Variants in TPP2 observed in about 807,000 individuals in gnomAD.
TPP2 encodes the protein tripeptidyl-peptidase 2.
TPP2 carries 34 observed loss-of-function variants against 155.9 expected under a neutral mutation model. That is an observed-to-expected ratio of 0.22 (90% CI 0.17 to 0.29). The LOEUF (loss-of-function observed/expected upper bound fraction) is 0.29, where lower values mean the gene tolerates loss of function less well. TPP2 is among the 10% of genes least tolerant of loss of function. The probability of loss-of-function intolerance (pLI) is 1.00; values close to 1 mark genes in which losing one functional copy is unlikely to be tolerated. For synonymous variants in TPP2, 510 were observed against 529.4 expected, an observed-to-expected ratio of 0.96 and a Z score of 0.50; for missense variants, 1,028 against 1,522.3, an observed-to-expected ratio of 0.68 and a Z score of 5.40.
chr13:102,612,034 G>A (rs1047579720), intron 2 of TPP2, among the ~76,000 whole-genome samples: 9 of 152,112 alleles, frequency 5.9e-5, no homozygotes, highest in African/African-American at 2.2e-4. Context: ...TTGGAAGGAA[G>A]CACAGTACCT....
chr13:102,599,755 A>G (rs1481848031), intron 1 of TPP2, among the ~76,000 whole-genome samples: 1 of 152,160 alleles, frequency 6.6e-6, no homozygotes, highest in East Asian at 1.9e-4. Context: ...TTTGTGTTAA[A>G]TGATATAGTC....
intron 8 of TPP2, among the ~76,000 whole-genome samples, chr13:102,628,980 C>G (rs1881836981): frequency 6.6e-6 from 1 of 152,134 alleles, no homozygotes; most frequent in Non-Finnish European, 1.5e-5. Context: ...AACCTCATCT[C>G]CTCTACTTAA....
chr13:102,660,560 A>G (rs919262931), intron 25 of TPP2, among the ~76,000 whole-genome samples: 2 of 152,368 alleles, frequency 1.3e-5, no homozygotes, highest in African/African-American at 4.8e-5. Context: ...TCATTACACT[A>G]TTCTTCATAT....
rs766061120 is a variant in TPP2 at position 102,631,571 on chromosome 13, T to G, written c.1244+1376T>G. On this transcript the variant is annotated intron_variant, in intron 10 of 29. Coordinates refer to ENST00000376052, the MANE Select transcript of TPP2 (RefSeq NM_001330588.2). ...TTTAAGTTTTATCTTATTGTCAATG[T>G]AAAAACAAAGTATTAGAGAATGTTT... is the stretch of plus-strand genomic sequence containing the variant. 4 of 152,358 alleles carry G rather than the reference T, an allele frequency of 2.6e-5. No homozygotes were observed. The South Asian group carries it at 8.3e-4, about 32-fold the overall frequency. 9.4% of individuals were successfully genotyped at this position (152,358 alleles called of 1,614,324 possible).
At chr13:102,629,803 T>C (rs1482276250) in intron 9 of TPP2, among the ~76,000 whole-genome samples, 194 bp downstream of exon 9, 1 of 152,162 alleles carries the variant, frequency 6.6e-6, no homozygotes, top group Non-Finnish European at 1.5e-5. Flanking sequence ...CTGAAATAAG[T>C]GGTTTCATAG....
rs1371681416 is a variant in TPP2 at position 102,626,782 on chromosome 13, CT to C, written c.785-223del. The C allele has an allele frequency of 4.1e-5, 13 of 315,734 alleles. No individual in the cohort carries two copies. The East Asian group carries it at 4.6e-4, about 11-fold the overall frequency. 19.6% of individuals were successfully genotyped at this position (315,734 alleles called of 1,614,324 possible). A position where few individuals can be genotyped will look rare whatever the true frequency, so the allele number is the denominator to read the frequency against. The stretch of plus-strand genomic sequence containing the variant: ...CAAATGTTTGAAGGGGGGATTCTCC[CT>C]TTTTTTATTGTGAATTTGAAAGATT... On this transcript the variant is annotated intron_variant, in intron 6 of 29. Transcript: ENST00000376052.
At position 102,647,897 on chromosome 13, in the gene TPP2, T is replaced by C. The variant is rs1883232540; in HGVS notation, c.2628+553T>C. On this transcript the variant is annotated intron_variant, in intron 21 of 29. Coordinates refer to ENST00000376052, the MANE Select transcript of TPP2 (RefSeq NM_001330588.2). ...AGACATTTTATCCCTTAGATATTAC[T>C]GCAAAGAAATGAGATATTTCCTGTA... Among the ~76,000 whole-genome samples the C allele has an allele frequency of 2.6e-5, 4 of 152,248 alleles. 1 individual carries two copies. The South Asian group carries it at 8.3e-4, about 31-fold the overall frequency.
At chr13:102,630,549 G>C (rs1201816481) in intron 10 of TPP2, among the ~76,000 whole-genome samples, 2 of 152,100 alleles carry the variant, frequency 1.3e-5, no homozygotes, top group Admixed American at 6.5e-5. Context: ...TGAAATGAAA[G>C]CCCTAAGCTT....
chr13:102,601,107 GC>G (rs1158885767), intron 1 of TPP2, among the ~76,000 whole-genome samples: 1 of 151,988 alleles, frequency 6.6e-6, no homozygotes, highest in Non-Finnish European at 1.5e-5. Context: ...ACCCAGACTG[GC>G]CTGACCTCTA....
At chr13:102,626,117 T>C (rs1341826646) in intron 6 of TPP2, among the ~76,000 whole-genome samples, 1 of 152,198 alleles carries the variant, frequency 6.6e-6, no homozygotes, top group Non-Finnish European at 1.5e-5. Context: ...TAATCAGTAA[T>C]GTACCCTCCC....
intron 15 of TPP2, among the ~76,000 whole-genome samples, chr13:102,639,937 T>C (rs554423215): frequency 3.3e-4 from 51 of 152,358 alleles, no homozygotes; most frequent in Middle Eastern, 3.4e-3. Context: ...TAGGACTCAC[T>C]GTAGTTTGGA....
chr13:102,642,795 T>C (rs1389981977), intron 16 of TPP2, among the ~76,000 whole-genome samples: 1 of 152,198 alleles, frequency 6.6e-6, no homozygotes, highest in African/African-American at 2.4e-5. Flanking sequence ...GGAAAAGTTA[T>C]CAATGAGGAA....
chr13:102,664,990 G>C, intron 27 of TPP2, 65 bp downstream of exon 27: 1 of 1,578,722 alleles, frequency 6.3e-7, no homozygotes, highest in Non-Finnish European at 8.6e-7. Flanking sequence ...AAAAAGTAGG[G>C]ACTAATATTA....
chr13:102,642,486 T>C (rs1039838747), intron 16 of TPP2, among the ~76,000 whole-genome samples: 2 of 152,148 alleles, frequency 1.3e-5, no homozygotes, highest in African/African-American at 2.4e-5. Flanking sequence ...TAAGAGAATT[T>C]AACAGTCTTA....
At chr13:102,675,438 C>T (rs1169598521) in intron 28 of TPP2, among the ~76,000 whole-genome samples, 4 of 152,022 alleles carry the variant, frequency 2.6e-5, no homozygotes, top group Admixed American at 2.6e-4. Flanking sequence ...ACCTTAGTTT[C>T]TTATCTACAC....
At chr13:102,663,160 A>AT (rs1336673925) in intron 25 of TPP2, among the ~76,000 whole-genome samples, 1 of 119,732 alleles carries the variant, frequency 8.4e-6, no homozygotes. Context: ...TAATTTATTT[A>AT]TTTTTTGAGA....
rs148107572 is a variant in TPP2 at position 102,679,533 on chromosome 13, C to T, written c.*1217C>T. On this transcript the variant is annotated 3_prime_UTR_variant, in exon 30 of 30. Coordinates refer to ENST00000376052, the MANE Select transcript of TPP2 (RefSeq NM_001330588.2). Reference sequence around the variant, plus strand: ...GCTGCTTAAAATTACTACCAGTAATCCTTAGTCACTCCCAACTGTTTCTGC... The same window carrying T: ...GCTGCTTAAAATTACTACCAGTAATTCTTAGTCACTCCCAACTGTTTCTGC... 132 of 152,270 alleles carry T rather than the reference C, an allele frequency of 8.7e-4. No individual in the cohort carries two copies. Among genetic ancestry groups the T allele is most frequent in the African/African-American group, 2.9e-3 (120 of 41,544 alleles). 9.4% of individuals were successfully genotyped at this position (152,270 alleles called of 1,614,324 possible).
At chr13:102,648,292 A>T (rs1048552302) in intron 21 of TPP2, among the ~76,000 whole-genome samples, 4 of 152,148 alleles carry the variant, frequency 2.6e-5, no homozygotes, top group African/African-American at 9.7e-5. Context: ...AGGTGGGAGG[A>T]TCGCTTGAGC....
intron 25 of TPP2, among the ~76,000 whole-genome samples, chr13:102,659,217 C>T (rs1225226209): frequency 1.3e-5 from 2 of 152,106 alleles, no homozygotes; most frequent in African/African-American, 4.8e-5. Flanking sequence ...AGAGCAGAGC[C>T]TCAGAGAAAT....
Sources: allele counts gnomAD v4.1 joint callset (sites outside exome capture counted in the v4.1 genomes callset), GRCh38; gene constraint gnomAD v4.1.1; transcripts MANE v1.5; gene names NCBI Gene and HGNC (gene_info 2026-07-23, HGNC 2026-07-21).